The following KIAA1217 variants were observed in gnomAD, a reference collection of about 807,000 sequenced individuals.
KIAA1217 encodes the protein KIAA1217, also known as sickle tail protein homolog.
In KIAA1217, 88 loss-of-function variants were observed where a neutral mutation model predicts 163.9. The ratio of observed to expected loss-of-function variants is 0.54; its 90% CI spans 0.45 to 0.64. The LOEUF (loss-of-function observed/expected upper bound fraction) is 0.64, where lower values mean the gene tolerates loss of function less well. KIAA1217 is among the 30% of genes least tolerant of loss of function. The pLI is 0.00. For synonymous variants in KIAA1217, 903 were observed against 923.1 expected (o/e 0.98, Z 0.39); for missense variants, 2,372 against 2,475.0 (o/e 0.96, Z 0.88).
rs541641406 is a variant in KIAA1217, at chr10:23,724,030, C to T, written c.-321+28796C>T. Among the ~76,000 whole-genome samples the T allele has an allele frequency of 6.6e-5, 10 of 152,186 alleles. No homozygotes were observed. In the South Asian group the frequency reaches 8.3e-4, roughly 13 times the overall value. ...AGGAGCAGAGACAAGAGAAAGCAAG[C>T]GGGGAGATGCTACACACTAAAATTA... On this transcript the variant is annotated intron_variant, in intron 1 of 18. Coordinates refer to the KIAA1217 transcript ENST00000376462.
At chr10:23,833,009 C>G (rs941855617) in intron 1 of KIAA1217, among the ~76,000 whole-genome samples, 2 of 152,048 alleles carry the variant, frequency 1.3e-5, no homozygotes, top group African/African-American at 4.8e-5. Context: ...CCCACCCGGT[C>G]CCTCCCACAA....
chr10:24,066,661 G>C (rs2060961054), intron 2 of KIAA1217, among the ~76,000 whole-genome samples: 1 of 152,196 alleles, frequency 6.6e-6, no homozygotes, highest in South Asian at 2.1e-4. Flanking sequence ...GTGGCATTCT[G>C]TGTATTTCTT....
At chr10:24,520,651 A>AAAATATATAT (rs1554926857) in intron 11 of KIAA1217, among the ~76,000 whole-genome samples, 2 of 39,656 alleles carry the variant, frequency 5.0e-5, no homozygotes, top group Non-Finnish European at 4.9e-5. Flanking sequence ...AAAAAAAAAA[A>AAAATATATAT]ATATATATAT....
intron 2 of KIAA1217, among the ~76,000 whole-genome samples, chr10:24,330,526 A>T (rs2045539871): frequency 1.3e-5 from 2 of 152,214 alleles, no homozygotes; most frequent in South Asian, 4.1e-4. Flanking sequence ...CTTCCAGAAC[A>T]TCTAACTAAG....
intron 1 of KIAA1217, among the ~76,000 whole-genome samples, chr10:23,761,350 G>A (rs1348519971): frequency 6.6e-6 from 1 of 152,184 alleles, no homozygotes; most frequent in Non-Finnish European, 1.5e-5. Flanking sequence ...TGATGTTAGG[G>A]TGTTGATTTG....
chr10:23,714,363 G>A (rs1837440291), intron 1 of KIAA1217, among the ~76,000 whole-genome samples: 2 of 152,058 alleles, frequency 1.3e-5, no homozygotes, highest in South Asian at 4.1e-4. Context: ...TGGAAAGTGA[G>A]GGAAAGTAGA....
At chr10:24,055,105 A>G (rs1459389599) in intron 2 of KIAA1217, among the ~76,000 whole-genome samples, 1 of 152,010 alleles carries the variant, frequency 6.6e-6, no homozygotes, top group East Asian at 1.9e-4. Context: ...TGTCTCTACA[A>G]AAAAGAAAAA....
chr10:24,436,942 T>C (rs1023975299), intron 4 of KIAA1217, among the ~76,000 whole-genome samples: 1 of 152,156 alleles, frequency 6.6e-6, no homozygotes, highest in Non-Finnish European at 1.5e-5. Flanking sequence ...GCTCCTCATA[T>C]TTTCCTTAGG....
intron 2 of KIAA1217, among the ~76,000 whole-genome samples, chr10:24,343,146 G>A (rs1435299922): frequency 1.3e-5 from 2 of 151,896 alleles, no homozygotes; most frequent in Non-Finnish European, 2.9e-5. Flanking sequence ...CATATATCTG[G>A]GTATTTTTTT....
intron 2 of KIAA1217, chr10:24,255,645 C>A (rs1275866839): frequency 2.4e-6 from 1 of 416,384 alleles, no homozygotes; most frequent in Non-Finnish European, 4.8e-6. Context: ...CCTGGGGTCC[C>A]TAAACTGCTG....
At chr10:23,956,249 T>C (rs775033352) in intron 1 of KIAA1217, among the ~76,000 whole-genome samples, 21 of 152,146 alleles carry the variant, frequency 1.4e-4, no homozygotes, top group Non-Finnish European at 4.4e-5. Flanking sequence ...TCTTTTAGGA[T>C]AGCTTTGTGT....
chr10:24,531,740 C>A, intron 14 of KIAA1217, 90 bp from the exon 15 acceptor site: 1 of 1,274,050 alleles, frequency 7.8e-7, no homozygotes, highest in Non-Finnish European at 1.1e-6. Flanking sequence ...ATTTTTAAAT[C>A]AGATTGCATT....
intron 2 of KIAA1217, among the ~76,000 whole-genome samples, chr10:24,019,170 G>A (rs1847624540): frequency 6.6e-6 from 1 of 152,004 alleles, no homozygotes; most frequent in African/African-American, 2.4e-5. Context: ...TAGTATACTT[G>A]AAAATCACTG....
At chr10:23,696,920 G>A (rs1283869291) in intron 1 of KIAA1217, among the ~76,000 whole-genome samples, 4 of 152,142 alleles carry the variant, frequency 2.6e-5, no homozygotes, top group East Asian at 1.9e-4. Context: ...GTAACCTAAC[G>A]AAAACTGTCA....
intron 1 of KIAA1217, among the ~76,000 whole-genome samples, chr10:23,777,497 CAG>C (rs925501111): frequency 7.2e-5 from 11 of 152,104 alleles, no homozygotes; most frequent in Non-Finnish European, 1.2e-4. Context: ...TTTTACAAGA[CAG>C]TGTAAGAAAG....
intron 1 of KIAA1217, among the ~76,000 whole-genome samples, chr10:24,000,308 C>A (rs1202857175): frequency 6.6e-6 from 1 of 152,128 alleles, no homozygotes; most frequent in Admixed American, 6.5e-5. Flanking sequence ...GGGGCAGTTA[C>A]CCTCATGCTG....
chr10:24,147,571 G>A (rs550857388), intron 2 of KIAA1217, among the ~76,000 whole-genome samples: 48 of 152,110 alleles, frequency 3.2e-4, no homozygotes, highest in South Asian at 6.2e-4. Context: ...GGCCAGGCAC[G>A]GTGGCTCATG....
At chr10:23,740,963 A>G (rs1839076957) in intron 1 of KIAA1217, among the ~76,000 whole-genome samples, 1 of 152,054 alleles carries the variant, frequency 6.6e-6, no homozygotes, top group East Asian at 1.9e-4. Flanking sequence ...AACAATAAAA[A>G]TCTTATTTTA....
chr10:24,308,053 A>T (rs7917252), intron 2 of KIAA1217, among the ~76,000 whole-genome samples: 13,962 of 152,254 alleles, frequency 0.092, 1,022 homozygotes, highest in African/African-American at 0.2. Context: ...ATAGCCTAAG[A>T]TAATTGAGTG....
Sources: allele counts gnomAD v4.1 joint callset (sites outside exome capture counted in the v4.1 genomes callset), GRCh38; gene constraint gnomAD v4.1.1; transcripts MANE v1.5; gene names NCBI Gene and HGNC (gene_info 2026-07-23, HGNC 2026-07-21).